The following NTN1 variants were observed in gnomAD, a reference collection of about 807,000 sequenced individuals.
NTN1 encodes the protein netrin-1.
In NTN1, 11 loss-of-function variants were observed where a neutral mutation model predicts 54.2. The observed-to-expected ratio is 0.20, with a 90% confidence interval of 0.13 to 0.34. The LOEUF (loss-of-function observed/expected upper bound fraction) is 0.34, where lower values mean the gene tolerates loss of function less well. Among genes scored for constraint, NTN1 ranks in the 10% least tolerant of loss-of-function variants. NTN1 has a pLI of 1.00. For missense variants in NTN1, 740 were observed against 893.1 expected (o/e 0.83, Z 2.18); for synonymous variants, 371 against 382.0 (o/e 0.97, Z 0.33).
chr17:9,039,154 T>C (rs2091913431), intron 2 of NTN1, among the ~76,000 whole-genome samples: 1 of 152,264 alleles, frequency 6.6e-6, no homozygotes, highest in Non-Finnish European at 1.5e-5. Flanking sequence ...TATTTCAGTA[T>C]CTGGTAGGTT....
chr17:9,029,184 T>C (rs1209719292), intron 2 of NTN1, among the ~76,000 whole-genome samples: 1 of 152,076 alleles, frequency 6.6e-6, no homozygotes. Flanking sequence ...TCCATGGTGG[T>C]TGGGGGGTTG....
At chr17:9,228,820 C>CTGTGTGTGTGTGTGTGTG (rs10641432) in intron 6 of NTN1, among the ~76,000 whole-genome samples, 23 of 141,402 alleles carry the variant, frequency 1.6e-4, no homozygotes, top group African/African-American at 5.4e-4. Flanking sequence ...ATCTGTTCAG[C>CTGTGTGTGTGTGTGTGTG]TGTGTGTGTG....
chr17:9,163,829 C>T (rs1453677968), intron 3 of NTN1, among the ~76,000 whole-genome samples: 2 of 152,214 alleles, frequency 1.3e-5, no homozygotes, highest in South Asian at 2.1e-4. Context: ...TTCCAGGAAC[C>T]AGGGCTTTCC....
chr17:9,153,707 G>A (rs2092334226), intron 2 of NTN1, among the ~76,000 whole-genome samples: 2 of 152,180 alleles, frequency 1.3e-5, no homozygotes, highest in African/African-American at 2.4e-5. Flanking sequence ...CAAGGTCTCC[G>A]TTCATGTTTG....
chr17:9,148,947 C>A (rs939203867), intron 2 of NTN1, among the ~76,000 whole-genome samples: 1 of 151,992 alleles, frequency 6.6e-6, no homozygotes, highest in African/African-American at 2.4e-5. Context: ...TAGAGGGGAA[C>A]AAAGGGCTGG....
chr17:9,029,037 C>T (rs1403230550), intron 2 of NTN1, among the ~76,000 whole-genome samples: 1 of 151,880 alleles, frequency 6.6e-6, no homozygotes, highest in African/African-American at 2.4e-5. Context: ...TTGAAATGCT[C>T]AAGACTTAAG....
chr17:9,026,958 C>T (rs951628017), intron 2 of NTN1, among the ~76,000 whole-genome samples: 9 of 133,534 alleles, frequency 6.7e-5, no homozygotes, highest in African/African-American at 2.4e-4. Flanking sequence ...CTGGGTTGGC[C>T]TCTTAATGGT....
intron 5 of NTN1, among the ~76,000 whole-genome samples, chr17:9,194,529 G>T (rs1904570718): frequency 1.3e-5 from 2 of 152,222 alleles, no homozygotes; most frequent in South Asian, 4.1e-4. Context: ...TCTCAGCACT[G>T]TCGACCTGGG....
the NTN1 span, among the ~76,000 whole-genome samples, chr17:9,008,477 G>C: frequency 6.6e-6 from 1 of 151,892 alleles, no homozygotes; most frequent in South Asian, 2.1e-4. Context: ...GTGTCACCAC[G>C]CCCAGCTGAT....
chr17:9,086,108 T>G (rs1460117500), intron 2 of NTN1, among the ~76,000 whole-genome samples: 1 of 152,210 alleles, frequency 6.6e-6, no homozygotes, highest in Non-Finnish European at 1.5e-5. Context: ...CATTTAAGAT[T>G]ATTATTTCCT....
At chr17:9,018,230 T>G (rs2091835720), upstream of NTN1, among the ~76,000 whole-genome samples, 1 of 152,104 alleles carries the variant, frequency 6.6e-6, no homozygotes, top group African/African-American at 2.4e-5. Context: ...GTGACCCCGC[T>G]CATCCTCTCC....
At chr17:9,057,179 C>A (rs1263086439) in intron 2 of NTN1, among the ~76,000 whole-genome samples, 1 of 151,294 alleles carries the variant, frequency 6.6e-6, no homozygotes, top group African/African-American at 2.4e-5. Flanking sequence ...TTGCCCCCCA[C>A]CCCCACTTCA....
At chr17:9,238,472 C>CATGT (rs979065476) in intron 6 of NTN1, among the ~76,000 whole-genome samples, 4 of 152,084 alleles carry the variant, frequency 2.6e-5, no homozygotes, top group Non-Finnish European at 4.4e-5. Flanking sequence ...GAGGTGAGTA[C>CATGT]AGCAGAGGCC....
chr17:9,201,325 T>C (rs1904780004), intron 5 of NTN1, among the ~76,000 whole-genome samples: 1 of 152,150 alleles, frequency 6.6e-6, no homozygotes, highest in Admixed American at 6.5e-5. Flanking sequence ...ATCTCTGCTG[T>C]AAGAGTTCTG....
the NTN1 span, among the ~76,000 whole-genome samples, chr17:9,006,231 C>T: frequency 2.6e-5 from 4 of 152,140 alleles, no homozygotes; most frequent in African/African-American, 7.2e-5. Context: ...TTTGTAGCTG[C>T]GAATTGTAAA....
At chr17:9,083,966 A>G (rs7211867) in intron 2 of NTN1, among the ~76,000 whole-genome samples, 109,030 of 152,064 alleles carry the variant, frequency 0.72, 39,319 homozygotes, top group East Asian at 0.95. Context: ...CAGAGTGGCT[A>G]ATGAGAGCCA....
At chr17:9,144,947 G>C (rs1294747654) in intron 2 of NTN1, among the ~76,000 whole-genome samples, 18 of 152,182 alleles carry the variant, frequency 1.2e-4, no homozygotes, top group Admixed American at 1.2e-3. Flanking sequence ...CAGACACACC[G>C]GTCTGTGGTC....
At chr17:9,054,050 A>G (rs1276573832) in intron 2 of NTN1, among the ~76,000 whole-genome samples, 1 of 152,138 alleles carries the variant, frequency 6.6e-6, no homozygotes, top group Non-Finnish European at 1.5e-5. Flanking sequence ...GGTGCCTGAC[A>G]TCTGATTTTT....
intron 3 of NTN1, chr17:9,176,080 G>C (rs901848381): frequency 6.6e-6 from 1 of 152,196 alleles, no homozygotes; most frequent in African/African-American, 2.4e-5. Flanking sequence ...TCCCTCACCA[G>C]ACACCCCCAC....
Sources: allele counts gnomAD v4.1 joint callset (sites outside exome capture counted in the v4.1 genomes callset), GRCh38; gene constraint gnomAD v4.1.1; transcripts MANE v1.5; gene names NCBI Gene and HGNC (gene_info 2026-07-23, HGNC 2026-07-21).